TRHDE: variants seen among roughly 807,000 people sequenced by gnomAD.
TRHDE encodes the protein thyrotropin releasing hormone degrading enzyme.
A neutral mutation model predicts 125.7 loss-of-function variants in TRHDE; 72 were observed. That is an observed-to-expected ratio of 0.57 (90% CI 0.47 to 0.70). The LOEUF (loss-of-function observed/expected upper bound fraction) is 0.70, where lower values mean the gene tolerates loss of function less well. TRHDE is among the 30% of genes least tolerant of loss of function. The pLI is 0.00. For synonymous variants in TRHDE, 509 were observed against 509.1 expected (o/e 1.00, Z 0.00); for missense variants, 1,110 against 1,327.1 (o/e 0.84, Z 2.54).
At chr12:72,639,063 T>C (rs1482321293) in intron 15 of TRHDE, among the ~76,000 whole-genome samples, 3 of 149,796 alleles carry the variant, frequency 2.0e-5, no homozygotes, top group African/African-American at 7.4e-5. Flanking sequence ...CCTTGCTAGA[T>C]TGGGGAAGTT....
chr12:72,457,701 A>C (rs1875926726), intron 3 of TRHDE, among the ~76,000 whole-genome samples: 1 of 152,172 alleles, frequency 6.6e-6, no homozygotes, highest in Non-Finnish European at 1.5e-5. Context: ...AACTACTAGT[A>C]CAGCTTATGC....
chr12:72,503,956 G>A (rs538061866), intron 6 of TRHDE, among the ~76,000 whole-genome samples: 2 of 152,304 alleles, frequency 1.3e-5, no homozygotes, highest in East Asian at 3.9e-4. Flanking sequence ...TGTGATGTGA[G>A]ACAAAAGTCC....
At chr12:72,396,179 G>A (rs911475622) in intron 3 of TRHDE, among the ~76,000 whole-genome samples, 1 of 152,030 alleles carries the variant, frequency 6.6e-6, no homozygotes, top group African/African-American at 2.4e-5. Context: ...AAACAAACAG[G>A]CTTCAATATA....
In TRHDE at chr12:72,445,520, C is replaced by G. The variant is rs576383839; in HGVS notation, c.1316-24238C>G. Reference sequence around the variant, plus strand: ...ATCCATAACTTGTATTTCAAAGCTGCCCTAACATTTATTTTTGTTGCTTTG... The same window carrying G: ...ATCCATAACTTGTATTTCAAAGCTGGCCTAACATTTATTTTTGTTGCTTTG... On this transcript the variant is annotated intron_variant, in intron 3 of 18. Coordinates refer to ENST00000261180, the MANE Select transcript of TRHDE (RefSeq NM_013381.3). Among the ~76,000 whole-genome samples, 9 of 151,972 alleles carry G rather than the reference C, an allele frequency of 5.9e-5. No individual in the cohort carries two copies. In the East Asian group the frequency reaches 1.7e-3, roughly 29 times the overall value.
intron 1 of TRHDE, among the ~76,000 whole-genome samples, chr12:72,096,005 T>C (rs1022147543): frequency 6.6e-6 from 1 of 152,200 alleles, no homozygotes; most frequent in Non-Finnish European, 1.5e-5. Context: ...AGATGGCTTT[T>C]GGACTTGAAC....
At chr12:72,595,079 C>A (rs1871871635) in intron 12 of TRHDE, among the ~76,000 whole-genome samples, 1 of 124,702 alleles carries the variant, frequency 8.0e-6, no homozygotes, top group Non-Finnish European at 1.6e-5. Context: ...CACATGGACA[C>A]AAGAAGGGGA....
intron 1 of TRHDE, among the ~76,000 whole-genome samples, chr12:72,088,603 G>T (rs992523964): frequency 1.3e-5 from 2 of 151,596 alleles, no homozygotes; most frequent in African/African-American, 4.9e-5. Flanking sequence ...GCTGCGCCTC[G>T]GTTCTCTCAT....
intron 2 of TRHDE, among the ~76,000 whole-genome samples, chr12:72,124,663 T>C (rs979237839): frequency 1.3e-5 from 2 of 152,234 alleles, no homozygotes; most frequent in Non-Finnish European, 2.9e-5. Flanking sequence ...ACTTTGCTTA[T>C]TCAGAGCTAC....
chr12:72,621,191 A>G lies in TRHDE; in HGVS notation c.2553A>G (p.Ala851=), dbSNP rs201761623. ...ATTTTAATGGATCTCTTGTTCAAGC[A>G]TCCTACCAACATGAGTACTGTTTTA... ...KNNFNGSLVQ[A]SYQHEELRRE... The change falls in exon 14 of 19, where the codon GCA becomes GCG. Residue 851 remains alanine, a synonymous_variant. Coordinates refer to ENST00000261180, the MANE Select transcript of TRHDE (RefSeq NM_013381.3). The G allele has an allele frequency of 3.7e-6, 6 of 1,609,380 alleles. No individual in the cohort carries two copies. The highest frequency in any genetic ancestry group is 1.3e-5 in the African/African-American group (1 of 74,722).
At chr12:72,524,448 T>G (rs1296104070) in intron 6 of TRHDE, among the ~76,000 whole-genome samples, 1 of 152,180 alleles carries the variant, frequency 6.6e-6, no homozygotes, top group Non-Finnish European at 1.5e-5. Context: ...TACATATATA[T>G]GAGTGATAAA....
chr12:72,134,175 A>G (rs1476663416), intron 2 of TRHDE, among the ~76,000 whole-genome samples: 1 of 152,134 alleles, frequency 6.6e-6, no homozygotes, highest in Non-Finnish European at 1.5e-5. Context: ...TGAAAATTCA[A>G]ATCAAGAAAC....
At chr12:72,296,372 T>A (rs1880299794) in intron 2 of TRHDE, among the ~76,000 whole-genome samples, 1 of 151,944 alleles carries the variant, frequency 6.6e-6, no homozygotes, top group African/African-American at 2.4e-5. Context: ...CTAAAGAGAG[T>A]TGGGTACTGA....
intron 18 of TRHDE, among the ~76,000 whole-genome samples, chr12:72,657,807 A>G (rs1476504670): frequency 6.6e-6 from 1 of 152,140 alleles, no homozygotes; most frequent in East Asian, 1.9e-4. Context: ...GACTCTTTTA[A>G]TTGATTACAA....
chr12:72,440,479 T>G (rs1217731699), intron 3 of TRHDE, among the ~76,000 whole-genome samples: 1 of 151,940 alleles, frequency 6.6e-6, no homozygotes, highest in East Asian at 1.9e-4. Flanking sequence ...AAACTGTTTT[T>G]CGTTTTGTAG....
intron 12 of TRHDE, among the ~76,000 whole-genome samples, chr12:72,613,477 GT>G (rs1335257189): frequency 6.6e-6 from 1 of 152,156 alleles, no homozygotes; most frequent in African/African-American, 2.4e-5. Context: ...AAGTGCTCCT[GT>G]TTTCAAAAGC....
At chr12:72,182,092 G>A (rs1409122197) in intron 2 of TRHDE, among the ~76,000 whole-genome samples, 1 of 152,148 alleles carries the variant, frequency 6.6e-6, no homozygotes, top group East Asian at 1.9e-4. Flanking sequence ...GGCTTTACAG[G>A]TGAATGGTAT....
chr12:72,638,198 T>C (rs1209645900), intron 15 of TRHDE, among the ~76,000 whole-genome samples: 4 of 148,084 alleles, frequency 2.7e-5, no homozygotes, highest in African/African-American at 1.0e-4. Context: ...CTGTATTGGG[T>C]GCATATATAT....
At chr12:72,489,136 G>A (rs868781408) in intron 5 of TRHDE, among the ~76,000 whole-genome samples, 10 of 148,314 alleles carry the variant, frequency 6.7e-5, no homozygotes, top group African/African-American at 2.5e-4. Flanking sequence ...CAGGAGAAAA[G>A]AAATAATAGA....
chr12:72,320,543 C>CTGTGTGTGTG (rs59244019), intron 2 of TRHDE, among the ~76,000 whole-genome samples: 4,758 of 143,094 alleles, frequency 0.033, 114 homozygotes, highest in South Asian at 0.05. Flanking sequence ...AGAGGGTTGA[C>CTGTGTGTGTG]TGTGTGTGTG....
Sources: allele counts gnomAD v4.1 joint callset (sites outside exome capture counted in the v4.1 genomes callset), GRCh38; gene constraint gnomAD v4.1.1; transcripts MANE v1.5; gene names NCBI Gene and HGNC (gene_info 2026-07-23, HGNC 2026-07-21).